Variants in SNTG2 observed in about 807,000 individuals in gnomAD.
SNTG2 encodes the protein syntrophin gamma 2.
In SNTG2, 74 loss-of-function variants were observed where a neutral mutation model predicts 70.9. The observed-to-expected ratio is 1.04, with a 90% confidence interval of 0.86 to 1.27. SNTG2 has a LOEUF of 1.27. SNTG2 is among the 50% of genes most tolerant of loss of function. The pLI is 0.00. For missense variants in SNTG2, 717 were observed against 690.7 expected (o/e 1.04, Z -0.43); for synonymous variants, 278 against 273.8 (o/e 1.02, Z -0.15).
At position 1,153,078 on chromosome 2, in the gene SNTG2, C is replaced by T. The variant is rs146876052; in HGVS notation, c.412-12470C>T. ...GGCGGAGGTTGCAGTGAGTCGAGATCGCACCATTGCACTCCAGCCTGGGCA... is the reference window on the plus strand; with the variant it reads ...GGCGGAGGTTGCAGTGAGTCGAGATTGCACCATTGCACTCCAGCCTGGGCA... On this transcript the variant is annotated intron_variant, in intron 6 of 16. Transcript: ENST00000308624. Among the ~76,000 whole-genome samples the T allele has an allele frequency of 9.7e-3, 1,467 of 151,378 alleles. 20 individuals carry two copies. The highest frequency in any genetic ancestry group is 0.033 in the African/African-American group (1,376 of 41,190).
intron 1 of SNTG2, among the ~76,000 whole-genome samples, chr2:1,082,566 C>T (rs1225113479): frequency 6.6e-6 from 1 of 152,204 alleles, no homozygotes; most frequent in African/African-American, 2.4e-5. Context: ...GAGTCTCAGC[C>T]CTCCTTGCTG....
At chr2:1,111,472 A>G (rs1666436678) in intron 4 of SNTG2, among the ~76,000 whole-genome samples, 1 of 152,208 alleles carries the variant, frequency 6.6e-6, no homozygotes, top group Non-Finnish European at 1.5e-5. Context: ...GTTTTGCTTT[A>G]GAAAGTGCCT....
In SNTG2 at chr2:1,246,859, T is replaced by C. The variant is rs146157872; in HGVS notation, c.889-468T>C. Among the ~76,000 whole-genome samples, 333 of 152,328 alleles carry C rather than the reference T, an allele frequency of 2.2e-3. 5 individuals are homozygous for C. Among genetic ancestry groups the C allele is most frequent in the African/African-American group, 7.3e-3 (304 of 41,584 alleles). ...CACTGCTCATTGTAAGAATCTAATA[T>C]TTTACATTATTTCATTGTTGTTAAG... On this transcript the variant is annotated intron_variant, in intron 11 of 16. Coordinates refer to ENST00000308624, the MANE Select transcript of SNTG2 (RefSeq NM_018968.4).
At position 1,222,131 on chromosome 2, in the gene SNTG2, C is replaced by CTG. The variant is rs1558553828; in HGVS notation, c.719+12902_719+12903insGT. Among the ~76,000 whole-genome samples, 44 of 122,746 alleles carry CTG rather than the reference C, an allele frequency of 3.6e-4. 5 individuals carry two copies. In the East Asian group the frequency reaches 4.4e-3, roughly 12 times the overall value. 80.5% of individuals were successfully genotyped at this position (122,746 alleles called of 152,430 possible). Reference sequence around the variant, plus strand: ...TCTCTCTCTGTCTCTCTCTGTCTCTCTCTGTCTCTCTCTGTCTCTGCCTAT... The same window carrying CTG: ...TCTCTCTCTGTCTCTCTCTGTCTCTCTGTCTGTCTCTCTCTGTCTCTGCCTAT... On this transcript the variant is annotated intron_variant, in intron 9 of 16. Transcript: ENST00000308624.
At chr2:1,302,901 G>A (rs1029772221) in intron 14 of SNTG2, among the ~76,000 whole-genome samples, 3 of 152,132 alleles carry the variant, frequency 2.0e-5, no homozygotes, top group African/African-American at 4.8e-5. Flanking sequence ...AGAGAGTGGC[G>A]TTATAGGATG....
chr2:1,169,007 G>A lies in SNTG2; in HGVS notation c.499+3372G>A, dbSNP rs370801347. Among the ~76,000 whole-genome samples, 11 of 152,256 alleles carry A rather than the reference G, an allele frequency of 7.2e-5. No individual in the cohort carries two copies. The East Asian group carries it at 1.4e-3, about 19-fold the overall frequency. The stretch of plus-strand genomic sequence containing the variant: ...TGGGAAGGGGGTGGACTTGAGGGCT[G>A]CACAGAAGTTCTTGGAGCCAGCAGG... On this transcript the variant is annotated intron_variant, in intron 7 of 16. Coordinates refer to ENST00000308624, the MANE Select transcript of SNTG2 (RefSeq NM_018968.4).
intron 1 of SNTG2, among the ~76,000 whole-genome samples, chr2:1,057,983 C>T (rs1027753906): frequency 1.3e-5 from 2 of 151,954 alleles, no homozygotes; most frequent in Non-Finnish European, 2.9e-5. Context: ...GCTGAGATGG[C>T]GCCACTGCAC....
At chr2:1,318,701 A>T (rs1016381583) in intron 16 of SNTG2, among the ~76,000 whole-genome samples, 5 of 152,228 alleles carry the variant, frequency 3.3e-5, no homozygotes, top group African/African-American at 4.8e-5. Context: ...TTGGATGTGA[A>T]TGGATCAGGG....
chr2:1,241,011 G>GAAAC (rs1677012761), intron 11 of SNTG2, among the ~76,000 whole-genome samples: 1 of 152,162 alleles, frequency 6.6e-6, no homozygotes, highest in Admixed American at 6.5e-5. Context: ...GTTCACACAG[G>GAAAC]AAACAGCCTT....
intron 2 of SNTG2, among the ~76,000 whole-genome samples, chr2:1,086,560 G>T (rs1285878709): frequency 6.6e-6 from 1 of 152,144 alleles, no homozygotes; most frequent in Non-Finnish European, 1.5e-5. Context: ...AGATTTGGAG[G>T]TTCCCCAGGT....
intron 1 of SNTG2, among the ~76,000 whole-genome samples, chr2:1,032,391 AT>A (rs1553311522): frequency 6.6e-6 from 1 of 152,238 alleles, no homozygotes; most frequent in Non-Finnish European, 1.5e-5. Flanking sequence ...GCACGCACAT[AT>A]ATCAGGAATC....
At chr2:1,174,666 C>T (rs1407852005) in intron 8 of SNTG2, among the ~76,000 whole-genome samples, 1 of 152,108 alleles carries the variant, frequency 6.6e-6, no homozygotes, top group Non-Finnish European at 1.5e-5. Flanking sequence ...TGGGAAATTC[C>T]AGTTGAGCCA....
At chr2:1,161,936 A>C (rs1304416399) in intron 6 of SNTG2, among the ~76,000 whole-genome samples, 1 of 151,928 alleles carries the variant, frequency 6.6e-6, no homozygotes, top group Admixed American at 6.6e-5. Context: ...TAGCCAGGCG[A>C]GATGGCGGGC....
intron 1 of SNTG2, among the ~76,000 whole-genome samples, chr2:1,031,172 A>C (rs77056947): frequency 0.022 from 3,422 of 152,278 alleles, 117 homozygotes; most frequent in African/African-American, 0.072. Flanking sequence ...GGTAGCAAAT[A>C]TAAAAGCAGC....
chr2:958,038 A>G (rs1302441428), intron 1 of SNTG2, among the ~76,000 whole-genome samples: 1 of 152,078 alleles, frequency 6.6e-6, no homozygotes, highest in African/African-American at 2.4e-5. Flanking sequence ...GCTAACATCT[A>G]CTAGGTACTA....
chr2:1,183,870 A>G (rs1231290608), intron 8 of SNTG2, among the ~76,000 whole-genome samples: 3 of 152,158 alleles, frequency 2.0e-5, no homozygotes, highest in Non-Finnish European at 4.4e-5. Context: ...TTCCATGTAT[A>G]TCCAATTTTT....
chr2:1,071,939 A>G (rs13395213), intron 1 of SNTG2, among the ~76,000 whole-genome samples: 1 of 152,228 alleles, frequency 6.6e-6, no homozygotes, highest in African/African-American at 2.4e-5. Context: ...TAACTCTTCA[A>G]TTCTGTGAAG....
chr2:1,179,097 G>A (rs1380501021), intron 8 of SNTG2, among the ~76,000 whole-genome samples: 1 of 152,196 alleles, frequency 6.6e-6, no homozygotes, highest in East Asian at 1.9e-4. Flanking sequence ...GCATAGAGGT[G>A]TTTGTAGTAT....
At chr2:1,086,946 A>T (rs1558383633) in intron 2 of SNTG2, among the ~76,000 whole-genome samples, 1 of 152,194 alleles carries the variant, frequency 6.6e-6, no homozygotes, top group Non-Finnish European at 1.5e-5. Context: ...CATGAAGTAT[A>T]AACAGAGCTG....
Sources: allele counts gnomAD v4.1 joint callset (sites outside exome capture counted in the v4.1 genomes callset), GRCh38; gene constraint gnomAD v4.1.1; transcripts MANE v1.5; gene names NCBI Gene and HGNC (gene_info 2026-07-23, HGNC 2026-07-21).